IMMP2L: variants seen among roughly 807,000 people sequenced by gnomAD.
IMMP2L encodes inner mitochondrial membrane peptidase subunit 2, also known as mitochondrial inner membrane protease subunit 2.
IMMP2L carries 18 observed loss-of-function variants against 19.3 expected under a neutral mutation model. The ratio of observed to expected loss-of-function variants is 0.93; its 90% confidence interval spans 0.64 to 1.38. The LOEUF (loss-of-function observed/expected upper bound fraction) is 1.38, where lower values mean the gene tolerates loss of function less well. Among genes scored for constraint, IMMP2L ranks in the 40% most tolerant of loss-of-function variants. IMMP2L has a pLI of 0.00. For synonymous variants in IMMP2L, 76 were observed against 73.0 expected, an observed-to-expected ratio of 1.04 and a Z score of -0.21; for missense variants, 233 against 218.2, an observed-to-expected ratio of 1.07 and a Z score of -0.43.
At chr7:111,112,382 A>C (rs2129584103) in intron 3 of IMMP2L, among the ~76,000 whole-genome samples, 1 of 152,336 alleles carries the variant, frequency 6.6e-6, no homozygotes, top group South Asian at 2.1e-4. Context: ...GTCACTTCGT[A>C]CTTCAGAGTG....
intron 2 of IMMP2L, among the ~76,000 whole-genome samples, chr7:111,496,049 G>A (rs1221356398): frequency 6.6e-6 from 1 of 152,136 alleles, no homozygotes; most frequent in Non-Finnish European, 1.5e-5. Context: ...AAATAGTACT[G>A]TTGATTTAGA....
At chr7:111,037,095 C>A (rs535414907) in intron 3 of IMMP2L, among the ~76,000 whole-genome samples, 1 of 151,976 alleles carries the variant, frequency 6.6e-6, no homozygotes, top group Admixed American at 6.6e-5. Flanking sequence ...AAATTTTTTA[C>A]GAGGAAAAAT....
intron 5 of IMMP2L, among the ~76,000 whole-genome samples, chr7:110,799,110 C>A (rs1801068214): frequency 6.6e-6 from 1 of 152,004 alleles, no homozygotes; most frequent in Admixed American, 6.6e-5. Context: ...CACTGCCAAT[C>A]TCAAATACCA....
chr7:111,346,285 T>C (rs1331679972), intron 3 of IMMP2L, among the ~76,000 whole-genome samples: 3 of 152,204 alleles, frequency 2.0e-5, no homozygotes, highest in South Asian at 4.2e-4. Flanking sequence ...AAGTCAGGAA[T>C]TGAACCCATG....
chr7:111,417,941 T>C (rs1322666351), intron 3 of IMMP2L, among the ~76,000 whole-genome samples: 2 of 151,858 alleles, frequency 1.3e-5, no homozygotes, highest in African/African-American at 4.9e-5. Flanking sequence ...GCACAGTTTA[T>C]ACAGCTCAAT....
intron 5 of IMMP2L, among the ~76,000 whole-genome samples, chr7:110,824,860 T>A (rs190089780): frequency 6.6e-6 from 1 of 152,244 alleles, no homozygotes. Flanking sequence ...AAGGATATTA[T>A]ACTCAAAGAT....
chr7:111,150,739 T>C (rs895092034), intron 3 of IMMP2L, among the ~76,000 whole-genome samples: 1 of 152,246 alleles, frequency 6.6e-6, no homozygotes, highest in African/African-American at 2.4e-5. Context: ...ATTCACTTTA[T>C]GGCGGAAAAT....
intron 4 of IMMP2L, among the ~76,000 whole-genome samples, chr7:110,909,568 A>G (rs2129548182): frequency 6.6e-6 from 1 of 152,264 alleles, no homozygotes; most frequent in South Asian, 2.1e-4. Flanking sequence ...AGGCTATATT[A>G]AGGTCAAATT....
chr7:110,955,496 A>C (rs998708374), intron 4 of IMMP2L, among the ~76,000 whole-genome samples: 3 of 151,710 alleles, frequency 2.0e-5, no homozygotes, highest in African/African-American at 7.3e-5. Flanking sequence ...TTGTCTATTA[A>C]ACAGCAGCAT....
intron 3 of IMMP2L, among the ~76,000 whole-genome samples, chr7:111,152,202 T>G (rs1356095466): frequency 6.6e-6 from 1 of 152,090 alleles, no homozygotes; most frequent in Non-Finnish European, 1.5e-5. Flanking sequence ...ATGTTCAAAG[T>G]TTTAATATGT....
At chr7:110,997,441 A>G (rs1823156443) in intron 3 of IMMP2L, among the ~76,000 whole-genome samples, 1 of 152,090 alleles carries the variant, frequency 6.6e-6, no homozygotes, top group African/African-American at 2.4e-5. Context: ...TATATGGTCA[A>G]ATTGTTTTCC....
chr7:111,070,928 T>A (rs1446712410), intron 3 of IMMP2L, among the ~76,000 whole-genome samples: 2 of 152,132 alleles, frequency 1.3e-5, no homozygotes, highest in Admixed American at 6.5e-5. Context: ...AGGAGAAAAA[T>A]CATGACTTTA....
At chr7:110,823,423 G>A (rs1045823003) in intron 5 of IMMP2L, among the ~76,000 whole-genome samples, 8 of 151,732 alleles carry the variant, frequency 5.3e-5, no homozygotes, top group African/African-American at 1.9e-4. Flanking sequence ...AAGCAGTTGT[G>A]GTAATCACTA....
intron 3 of IMMP2L, among the ~76,000 whole-genome samples, chr7:111,315,430 T>G (rs1246181564): frequency 6.6e-6 from 1 of 151,012 alleles, no homozygotes; most frequent in Non-Finnish European, 1.5e-5. Context: ...AGGAAATGAC[T>G]GAAAAAAAAA....
In IMMP2L at chr7:111,161,566, A is replaced by T. The variant is rs183624951; in HGVS notation, c.240-198001T>A. Reference sequence around the variant, plus strand: ...TAAAAAAATAGCAAATCAGGAAACGAAAAAGATACCCAAAATAACCTTCAG... The same window carrying T: ...TAAAAAAATAGCAAATCAGGAAACGTAAAAGATACCCAAAATAACCTTCAG... On this transcript the variant is annotated intron_variant, in intron 3 of 5. Transcript: ENST00000405709. Among the ~76,000 whole-genome samples, 8 of 152,116 alleles carry T rather than the reference A, an allele frequency of 5.3e-5. No individual in the cohort carries two copies. The East Asian group carries it at 1.5e-3, about 29-fold the overall frequency.
intron 5 of IMMP2L, among the ~76,000 whole-genome samples, chr7:110,778,817 GA>G (rs1023511053): frequency 6.6e-6 from 1 of 151,836 alleles, no homozygotes; most frequent in Non-Finnish European, 1.5e-5. Flanking sequence ...TGGTGTGTTG[GA>G]AAATGTTTAA....
intron 3 of IMMP2L, among the ~76,000 whole-genome samples, chr7:111,048,238 CAAAAAAAAAAAAAAAAA>C (rs575701337): frequency 3.3e-4 from 6 of 18,354 alleles, no homozygotes; most frequent in Admixed American, 1.9e-3. Flanking sequence ...GACTCTGTCT[CAAAAAAAAAAAAAAAAA>C]AAAAAAAAAA....
intron 5 of IMMP2L, among the ~76,000 whole-genome samples, chr7:110,868,475 G>A (rs1808221139): frequency 6.6e-6 from 1 of 152,068 alleles, no homozygotes; most frequent in African/African-American, 2.4e-5. Context: ...TCCAGGCCCA[G>A]AGGCTGGGGG....
At chr7:111,287,359 TGCAAACCC>T (rs1820605338) in intron 3 of IMMP2L, among the ~76,000 whole-genome samples, 2 of 152,162 alleles carry the variant, frequency 1.3e-5, no homozygotes, top group Admixed American at 1.3e-4. Flanking sequence ...GGAAAACATC[TGCAAACCC>T]TGATTTTGAC....
Sources: gnomAD v4.1 joint callset for allele counts (sites outside exome capture counted in the v4.1 genomes callset) on GRCh38, gnomAD v4.1.1 for gene constraint, MANE v1.5 for transcripts, NCBI Gene and HGNC (gene_info 2026-07-23, HGNC 2026-07-21) for gene names.